Variants in ELP4 observed in about 807,000 individuals in gnomAD.
ELP4 encodes elongator complex protein 4.
In ELP4, 51 loss-of-function variants were observed where a neutral mutation model predicts 48.9. That is an observed-to-expected ratio of 1.04 (90% CI 0.83 to 1.32). The LOEUF (loss-of-function observed/expected upper bound fraction) is 1.32. Ranked by LOEUF, ELP4 falls within the 40% of genes most tolerant of loss-of-function variation. The pLI is 0.00. For missense variants in ELP4, 519 were observed against 514.6 expected (o/e 1.01, Z -0.08); for synonymous variants, 210 against 189.2 (o/e 1.11, Z -0.90).
intron 9 of ELP4, among the ~76,000 whole-genome samples, chr11:31,706,816 G>T (rs1946644037): frequency 6.6e-6 from 1 of 151,862 alleles, no homozygotes; most frequent in Non-Finnish European, 1.5e-5. Flanking sequence ...TCCCACATAT[G>T]AGTGAGAACA....
chr11:31,602,997 A>T (rs1227252289), intron 4 of ELP4, among the ~76,000 whole-genome samples: 1 of 151,970 alleles, frequency 6.6e-6, no homozygotes, highest in African/African-American at 2.4e-5. Flanking sequence ...ATGTTATGTT[A>T]GTAGACTTTT....
At chr11:31,661,301 T>G (rs1430118879) in intron 9 of ELP4, among the ~76,000 whole-genome samples, 1 of 152,044 alleles carries the variant, frequency 6.6e-6, no homozygotes, top group Non-Finnish European at 1.5e-5. Flanking sequence ...GTAGGACTGA[T>G]TGGTGTATAA....
intron 2 of ELP4, among the ~76,000 whole-genome samples, chr11:31,539,091 T>C (rs1956551421): frequency 6.6e-6 from 1 of 152,214 alleles, no homozygotes; most frequent in African/African-American, 2.4e-5. Context: ...TGTGTATGTA[T>C]GTGCAGGGGG....
intron 3 of ELP4, among the ~76,000 whole-genome samples, chr11:31,548,474 T>G (rs374981371): frequency 1.3e-5 from 2 of 151,622 alleles, no homozygotes. Flanking sequence ...CACTGCTCAA[T>G]GAAATAAAAG....
At chr11:31,698,332 C>T (rs1946452783) in intron 9 of ELP4, among the ~76,000 whole-genome samples, 1 of 151,954 alleles carries the variant, frequency 6.6e-6, no homozygotes, top group Non-Finnish European at 1.5e-5. Flanking sequence ...TTATTTATAT[C>T]TTTTTGTACT....
At chr11:31,516,590 T>G (rs1326299405) in intron 1 of ELP4, among the ~76,000 whole-genome samples, 1 of 152,162 alleles carries the variant, frequency 6.6e-6, no homozygotes, top group South Asian at 2.1e-4. Flanking sequence ...TAACTTCCCA[T>G]GCTCAATTGA....
At chr11:31,565,905 T>C (rs1007813214) in intron 3 of ELP4, among the ~76,000 whole-genome samples, 4 of 152,214 alleles carry the variant, frequency 2.6e-5, no homozygotes, top group African/African-American at 9.6e-5. Context: ...TCCAATTCTG[T>C]GAAGAAAGTC....
intron 3 of ELP4, among the ~76,000 whole-genome samples, chr11:31,562,927 T>C (rs868793847): frequency 2.0e-5 from 3 of 152,158 alleles, no homozygotes; most frequent in Non-Finnish European, 4.4e-5. Flanking sequence ...GAATATACTA[T>C]TAATACATGG....
intron 9 of ELP4, among the ~76,000 whole-genome samples, chr11:31,677,822 T>A (rs1945963237): frequency 1.3e-5 from 2 of 152,194 alleles, no homozygotes; most frequent in South Asian, 4.1e-4. Context: ...AGTGGAATAT[T>A]TGTTACAATT....
chr11:31,550,018 G>T (rs938260447), intron 3 of ELP4, among the ~76,000 whole-genome samples: 1 of 152,074 alleles, frequency 6.6e-6, no homozygotes, highest in Non-Finnish European at 1.5e-5. Flanking sequence ...ATAGCATTGG[G>T]AGATATACCT....
At chr11:31,596,372 C>G (rs574482257) in intron 4 of ELP4, among the ~76,000 whole-genome samples, 57 of 152,218 alleles carry the variant, frequency 3.7e-4, no homozygotes, top group African/African-American at 1.3e-3. Context: ...CCACTGCACT[C>G]CAGCCTGGGC....
intron 3 of ELP4, among the ~76,000 whole-genome samples, chr11:31,592,043 C>T (rs747928476): frequency 2.8e-4 from 43 of 152,054 alleles, no homozygotes; most frequent in East Asian, 1.9e-4. Context: ...ATGTCCAGAA[C>T]GACTAATCCA....
At chr11:31,738,572 C>T (rs1947373521) in intron 9 of ELP4, among the ~76,000 whole-genome samples, 1 of 151,930 alleles carries the variant, frequency 6.6e-6, no homozygotes, top group African/African-American at 2.4e-5. Context: ...CCCATCTCTA[C>T]AAAAAATACA....
chr11:31,581,489 T>C (rs892093712), intron 3 of ELP4, among the ~76,000 whole-genome samples: 16 of 150,184 alleles, frequency 1.1e-4, no homozygotes, highest in Admixed American at 3.3e-4. Flanking sequence ...TAACTTTGTC[T>C]CAGAGCAGTC....
intron 8 of ELP4, chr11:31,648,632 A>G (rs1314811293): frequency 6.6e-6 from 1 of 151,614 alleles, no homozygotes; most frequent in African/African-American, 2.4e-5. Flanking sequence ...TGGAACTACC[A>G]TACTTCTGTG....
intron 3 of ELP4, among the ~76,000 whole-genome samples, chr11:31,543,808 T>A (rs1956637796): frequency 6.6e-6 from 1 of 152,192 alleles, no homozygotes. Context: ...AAACACGTTA[T>A]CAATTCAGAA....
At chr11:31,611,563 C>G (rs1279877811) in intron 5 of ELP4, among the ~76,000 whole-genome samples, 1 of 152,206 alleles carries the variant, frequency 6.6e-6, no homozygotes, top group Non-Finnish European at 1.5e-5. Flanking sequence ...TTCCAGGATT[C>G]TGATGTTAGA....
chr11:31,781,307 C>T (rs528506547), intron 9 of ELP4, among the ~76,000 whole-genome samples: 10 of 152,022 alleles, frequency 6.6e-5, no homozygotes, highest in Non-Finnish European at 1.3e-4. Context: ...TGCATGTATC[C>T]TGGTCATTTT....
At chr11:31,648,543 A>G (rs1227712170) in intron 8 of ELP4, 1 of 151,544 alleles carries the variant, frequency 6.6e-6, no homozygotes, top group African/African-American at 2.4e-5. Context: ...ATATAGGTCT[A>G]AAACAAATAT....
Sources: allele counts gnomAD v4.1 joint callset (sites outside exome capture counted in the v4.1 genomes callset), GRCh38; gene constraint gnomAD v4.1.1; transcripts MANE v1.5; gene names NCBI Gene and HGNC (gene_info 2026-07-23, HGNC 2026-07-21).